The following NCOR2 variants were observed in gnomAD, a reference collection of about 807,000 sequenced individuals.
NCOR2 encodes the protein CTG repeat protein 26.
Under a neutral mutation model 262.9 loss-of-function variants are expected in NCOR2, and 81 were observed. The observed-to-expected ratio is 0.31, with a 90% CI of 0.26 to 0.37. The LOEUF is 0.37. Among genes scored for constraint, NCOR2 ranks in the 10% least tolerant of loss-of-function variants. The probability of loss-of-function intolerance (pLI) is 1.00; values close to 1 mark genes in which losing one functional copy is unlikely to be tolerated. For synonymous variants in NCOR2, 1,659 were observed against 1,559.3 expected (o/e 1.06, Z -1.51); for missense variants, 3,385 against 3,621.4 (o/e 0.93, Z 1.68).
chr12:124,343,646 A>AC (rs2036652967), intron 32 of NCOR2, among the ~76,000 whole-genome samples: 1 of 150,730 alleles, frequency 6.6e-6, no homozygotes, highest in Non-Finnish European at 1.5e-5. Flanking sequence ...TTTTTTTGAG[A>AC]TAAGAGTTTC....
chr12:124,515,298 G>A (rs2049663614), intron 1 of NCOR2, among the ~76,000 whole-genome samples: 1 of 152,030 alleles, frequency 6.6e-6, no homozygotes, highest in South Asian at 2.1e-4. Context: ...AACTCAGGAG[G>A]CAGTGGTTGC....
chr12:124,439,321 A>G (rs2044661871), intron 7 of NCOR2, among the ~76,000 whole-genome samples: 1 of 100,720 alleles, frequency 9.9e-6, no homozygotes, highest in Admixed American at 1.1e-4. Context: ...AGACCCAGAG[A>G]CAGAGGGAGA....
intron 10 of NCOR2, among the ~76,000 whole-genome samples, chr12:124,428,917 C>T (rs904464475): frequency 1.3e-5 from 2 of 152,170 alleles, no homozygotes; most frequent in African/African-American, 4.8e-5. Context: ...TCATGGGTAC[C>T]TGACCCACAG....
intron 8 of NCOR2, among the ~76,000 whole-genome samples, chr12:124,433,291 C>T (rs2044085968): frequency 6.6e-6 from 1 of 152,122 alleles, no homozygotes; most frequent in Non-Finnish European, 1.5e-5. Context: ...ATGGGGACTG[C>T]AGGGACGGCA....
intron 32 of NCOR2, among the ~76,000 whole-genome samples, chr12:124,344,086 A>G (rs2036703819): frequency 6.6e-6 from 1 of 152,202 alleles, no homozygotes; most frequent in South Asian, 2.1e-4. Context: ...GCAGGCAGAG[A>G]GGAGGAGCCA....
intron 4 of NCOR2, among the ~76,000 whole-genome samples, chr12:124,466,977 ATCATCC>A (rs1472974265): frequency 2.5e-5 from 3 of 122,342 alleles, no homozygotes; most frequent in East Asian, 2.6e-4. Context: ...CATCACCCCC[ATCATCC>A]TCATCCTCAT....
chr12:124,346,644 C>T, exon 31 of NCOR2: 3 of 1,593,904 alleles, frequency 1.9e-6, no homozygotes, highest in Non-Finnish European at 2.6e-6. Flanking sequence ...CGCGGGATCT[C>T]ATGGATGGAG....
chr12:124,367,616 CTTTGT>C (rs1566403783), intron 20 of NCOR2, among the ~76,000 whole-genome samples: 2 of 152,110 alleles, frequency 1.3e-5, no homozygotes, highest in South Asian at 2.1e-4. Flanking sequence ...ACTCTCCCTT[CTTTGT>C]TTTATTTTAT....
At chr12:124,461,781 G>A (rs1285274241) in intron 5 of NCOR2, among the ~76,000 whole-genome samples, 2 of 152,204 alleles carry the variant, frequency 1.3e-5, no homozygotes, top group African/African-American at 2.4e-5. Flanking sequence ...ACAGATGCAC[G>A]AATACCTATA....
intron 6 of NCOR2, among the ~76,000 whole-genome samples, chr12:124,452,305 C>G (rs1783994083): frequency 6.6e-6 from 1 of 152,250 alleles, no homozygotes; most frequent in Non-Finnish European, 1.5e-5. Context: ...GGCAACCACA[C>G]TGGCTCCTTT....
intron 7 of NCOR2, among the ~76,000 whole-genome samples, chr12:124,438,667 T>A (rs941943526): frequency 9.5e-6 from 1 of 104,848 alleles, no homozygotes; most frequent in African/African-American, 2.8e-5. Context: ...GAGACGGGAG[T>A]TTCAGAGAGA....
At chr12:124,501,807 G>C (rs1432666241) in intron 1 of NCOR2, among the ~76,000 whole-genome samples, 5 of 152,216 alleles carry the variant, frequency 3.3e-5, no homozygotes, top group Admixed American at 3.3e-4. Flanking sequence ...TTCAGGAGGT[G>C]CTCCAGAAAT....
exon 34 of NCOR2, chr12:124,341,941 G>C: frequency 1.2e-6 from 2 of 1,613,282 alleles, no homozygotes; most frequent in Non-Finnish European, 1.7e-6. Context: ...GCTGCGAGGT[G>C]ATGTAGTCAT....
At chr12:124,413,015 G>A (rs1035759556) in intron 13 of NCOR2, among the ~76,000 whole-genome samples, 8 of 152,218 alleles carry the variant, frequency 5.3e-5, no homozygotes, top group Non-Finnish European at 1.0e-4. Flanking sequence ...CCTCGCTGCC[G>A]GGGAAAGTGC....
chr12:124,374,229 C>T (rs1016961690), intron 19 of NCOR2, among the ~76,000 whole-genome samples, 184 bp downstream of exon 21: 6 of 152,186 alleles, frequency 3.9e-5, no homozygotes, highest in South Asian at 2.1e-4. Flanking sequence ...GGAGTGAGCC[C>T]GGGACCAGCA....
Position 124,354,924 on chromosome 12 carries a change from G to A in NCOR2, c.3397C>T (p.Leu1133Phe), listed in dbSNP as rs2037828351. 2 of 1,613,050 alleles carry A rather than the reference G, an allele frequency of 1.2e-6. No homozygotes were observed. The highest frequency in any genetic ancestry group is 1.3e-5 in the African/African-American group (1 of 74,988). The change falls in exon 25 of 47, where the codon CTC (leucine) becomes TTC (phenylalanine). Residue 1133 changes from leucine (L) to phenylalanine (F), a missense_variant. Physicochemically the swap from Leu to Phe is conservative, Grantham distance 22. Transcript: ENST00000405201. Reference sequence around the variant, plus strand: ...GCATGCTCTGAGTACGGGACGTGGAGCTGGACCGACATTCCCTGTAGGGGC... The same window carrying A: ...GCATGCTCTGAGTACGGGACGTGGAACTGGACCGACATTCCCTGTAGGGGC...
chr12:124,521,055 C>T (rs1794081290), intron 1 of NCOR2, among the ~76,000 whole-genome samples: 1 of 152,244 alleles, frequency 6.6e-6, no homozygotes, highest in Non-Finnish European at 1.5e-5. Flanking sequence ...GAGCTCCTGC[C>T]TGCTGCCTCT....
intron 16 of NCOR2, among the ~76,000 whole-genome samples, chr12:124,387,768 C>A (rs2040926373): frequency 6.6e-6 from 1 of 152,222 alleles, no homozygotes; most frequent in South Asian, 2.1e-4. Context: ...CAGGGCCGCG[C>A]GTTTATTTAT....
At position 124,549,772 on chromosome 12, in the gene NCOR2, C is replaced by T. The variant is rs945237726; in HGVS notation, c.-164-14161G>A. Among the ~76,000 whole-genome samples the T allele has an allele frequency of 6.6e-6, 1 of 152,176 alleles. No individual in the cohort carries two copies. The highest frequency in any genetic ancestry group is 2.4e-5 in the African/African-American group (1 of 41,432). ...GCAACCCCTCAAGATAACCTTATCA[C>T]GTTTCACGGAGGGAGAGAGGGCGGC... On this transcript the variant is annotated intron_variant, in intron 1 of 32. Coordinates refer to the NCOR2 transcript ENST00000458234. This position sits in a 1 kb window ranked among gnomAD's most constrained non-coding sequence, Gnocchi z 4.4.
Sources: allele counts gnomAD v4.1 joint callset (sites outside exome capture counted in the v4.1 genomes callset), GRCh38; gene constraint gnomAD v4.1.1; non-coding constraint Gnocchi (gnomAD v3.1); transcripts MANE v1.5; gene names NCBI Gene and HGNC (gene_info 2026-07-23, HGNC 2026-07-21).